Variants in MARF1 observed in about 807,000 individuals in gnomAD.
MARF1 encodes the protein meiosis regulator and mRNA stability factor 1.
A neutral mutation model predicts 168.2 loss-of-function variants in MARF1; 24 were observed. That is an observed-to-expected ratio of 0.14 (90% CI 0.10 to 0.20). The LOEUF (loss-of-function observed/expected upper bound fraction) is 0.20. Ranked by LOEUF, MARF1 falls within the 10% of genes least tolerant of loss-of-function variation. MARF1 has a pLI of 1.00. For synonymous variants in MARF1, 868 were observed against 822.4 expected (o/e 1.06, Z -0.95); for missense variants, 1,744 against 2,143.6 (o/e 0.81, Z 3.68).
intron 22 of MARF1, chr16:15,602,740 G>T (rs143870278): frequency 2.3e-6 from 1 of 427,916 alleles, no homozygotes; most frequent in African/African-American, 2.2e-5. Flanking sequence ...AGGCTGCAGC[G>T]GTCTGAAGAG....
Position 15,599,030 on chromosome 16 carries a change from CA to C in MARF1, c.4814-7del, listed in dbSNP as rs756317558. 14 of 1,604,636 alleles carry C rather than the reference CA, an allele frequency of 8.7e-6. No individual in the cohort carries two copies. The highest frequency in any genetic ancestry group is 1.1e-5 in the Non-Finnish European group (13 of 1,176,792). On this transcript the variant is annotated splice_region_variant and splice_polypyrimidine_tract_variant and intron_variant, in intron 25 of 26. Transcript: ENST00000396368. Reference sequence around the variant, plus strand: ...CTGCTCTGTGTGACTGGGCCCTGGGCAAACAAGGAGGGCCGTGACACCACAG... The same window carrying C: ...CTGCTCTGTGTGACTGGGCCCTGGGCAACAAGGAGGGCCGTGACACCACAG...
intron 3 of MARF1, 27 bp downstream of exon 3, chr16:15,635,629 C>T: frequency 6.3e-7 from 1 of 1,594,584 alleles, no homozygotes; most frequent in Non-Finnish European, 8.6e-7. Flanking sequence ...CAGCTGCACC[C>T]AACTTAAGAA....
At chr16:15,639,493 C>A (rs1349237002) in intron 1 of MARF1, among the ~76,000 whole-genome samples, 1 of 152,146 alleles carries the variant, frequency 6.6e-6, no homozygotes, top group African/African-American at 2.4e-5. Context: ...CTCCGTCTCC[C>A]GGGTTCAAGC....
At chr16:15,609,816 T>A (rs2033359896) in intron 19 of MARF1, 91 bp from the exon 20 acceptor site, 1 of 1,030,954 alleles carries the variant, frequency 9.7e-7, no homozygotes, top group South Asian at 1.5e-5. Flanking sequence ...TTTGGGAATT[T>A]ATAAACGATA....
intron 6 of MARF1, among the ~76,000 whole-genome samples, chr16:15,630,968 T>C (rs577876097): frequency 6.6e-6 from 1 of 152,008 alleles, no homozygotes; most frequent in South Asian, 2.1e-4. Context: ...CCATCTCTAC[T>C]AAAAATACAA....
rs550112241 is a variant in MARF1, at chr16:15,598,655, G to A, written c.4984+199C>T. ...AGCTGCCAAATCGCCCTTGCCTGAT[G>A]CTCGCCAGGCAACCTCAGGCTGTGC... On this transcript the variant is annotated intron_variant, in intron 26 of 26. Transcript: ENST00000396368. 2.0e-5 allele frequency among the ~76,000 whole-genome samples: 3 copies of A among 150,334 alleles called. No individual in the cohort carries two copies. The East Asian group carries it at 6.0e-4, about 30-fold the overall frequency.
intron 2 of MARF1, among the ~76,000 whole-genome samples, chr16:15,637,843 A>G (rs1328939072): frequency 6.6e-6 from 1 of 152,238 alleles, no homozygotes; most frequent in Admixed American, 6.5e-5. Flanking sequence ...AAACCTAGAG[A>G]AAATAGAGAA....
Position 15,620,175 on chromosome 16 carries a change from A to T in MARF1, c.2720+276T>A, listed in dbSNP as rs1027468187. On this transcript the variant is annotated intron_variant, in intron 13 of 26. Coordinates refer to ENST00000396368, the MANE Select transcript of MARF1 (RefSeq NM_014647.4). ...GCGAGACTCTGTCTCCAAAAAAATT[A>T]AAAAACAAACAAACAAACAAAAAAA... Among the ~76,000 whole-genome samples, 8 of 152,312 alleles carry T rather than the reference A, an allele frequency of 5.3e-5. No homozygotes were observed. The East Asian group carries it at 9.6e-4, about 18-fold the overall frequency.
intron 5 of MARF1, among the ~76,000 whole-genome samples, chr16:15,633,344 T>G (rs549863750): frequency 3.3e-5 from 5 of 152,104 alleles, no homozygotes; most frequent in African/African-American, 1.2e-4. Flanking sequence ...GGTTCTTAGT[T>G]TCTGTTTCTG....
At chr16:15,635,196 G>C (rs2035502496) in intron 3 of MARF1, 2 of 456,946 alleles carry the variant, frequency 4.4e-6, no homozygotes, top group Non-Finnish European at 7.7e-6. Flanking sequence ...CTGCAACGAA[G>C]ACCTCACACA....
At chr16:15,621,238 G>A (rs947525372) in intron 12 of MARF1, among the ~76,000 whole-genome samples, 1 of 152,208 alleles carries the variant, frequency 6.6e-6, no homozygotes, top group African/African-American at 2.4e-5. Flanking sequence ...GAGACCCAAA[G>A]AAGTATCACA....
At position 15,608,855 on chromosome 16, in the gene MARF1, G is replaced by A. The variant is rs1436565067; in HGVS notation, c.3955-337C>T. Reference sequence around the variant, plus strand: ...AAATTTGGTTTAACTTAGCAACAGCGAACAGCTTAGCACTGATGTTACCTC... The same window carrying A: ...AAATTTGGTTTAACTTAGCAACAGCAAACAGCTTAGCACTGATGTTACCTC... On this transcript the variant is annotated intron_variant, in intron 20 of 26. Transcript: ENST00000396368. 7 of 327,704 alleles carry A rather than the reference G, an allele frequency of 2.1e-5. No individual in the cohort carries two copies. In the East Asian group the frequency reaches 3.7e-4, roughly 17 times the overall value. The allele number at this position is 327,704 out of a possible 1,614,324, so 20.3% of individuals were successfully genotyped here.
In MARF1 at chr16:15,621,902, C is replaced by T; in HGVS notation, c.2470G>A (p.Val824Ile). 1 of 1,613,188 alleles carries T rather than the reference C, an allele frequency of 6.2e-7. No homozygotes were observed. Among genetic ancestry groups the T allele is most frequent in the Non-Finnish European group, 8.5e-7 (1 of 1,179,762 alleles). ...AFARHGKVKS[V>I]ELSPHTDYQL... The stretch of plus-strand genomic sequence containing the variant: ...TAATCTGTATGGGGGCTGAGCTCAA[C>T]ACTCTTCACCTACAACAGGAAAAGC... Residue 824 changes from valine to isoleucine, a missense_variant, in exon 12 of 27, where the codon GTT (valine) becomes ATT (isoleucine). Coordinates refer to ENST00000396368, the MANE Select transcript of MARF1 (RefSeq NM_014647.4).
At chr16:15,611,388 G>T (rs1241136539) in intron 18 of MARF1, among the ~76,000 whole-genome samples, 2 of 150,876 alleles carry the variant, frequency 1.3e-5, no homozygotes, top group Admixed American at 1.3e-4. Flanking sequence ...AAACCCGGGA[G>T]GCGGAGCTTG....
At position 15,620,547 on chromosome 16, in the gene MARF1, T is replaced by C. The variant is rs201059938; in HGVS notation, c.2640-16A>G. On this transcript the variant is annotated splice_polypyrimidine_tract_variant and intron_variant, in intron 12 of 26. Transcript: ENST00000396368. Reference sequence around the variant, plus strand: ...TGTTTCTGCACTGTAAAACAGAAGTTTGATTAGGGAACAGACCATTTCCTC... The same window carrying C: ...TGTTTCTGCACTGTAAAACAGAAGTCTGATTAGGGAACAGACCATTTCCTC... 6 of 1,575,638 alleles carry C rather than the reference T, an allele frequency of 3.8e-6. No homozygotes were observed. In the Admixed American group the frequency reaches 6.8e-5, roughly 18 times the overall value.
At position 15,596,678 on chromosome 16, in the gene MARF1, T is replaced by A; in HGVS notation, c.*15A>T. ...ACAGTGTTTTCCCATCCTAATTCTA[T>A]ATTCCAAATGGGAGTTAAAGCTTGG... is the stretch of plus-strand genomic sequence containing the variant. On this transcript the variant is annotated 3_prime_UTR_variant, in exon 27 of 27. Coordinates refer to ENST00000396368, the MANE Select transcript of MARF1 (RefSeq NM_014647.4). 6.4e-7 allele frequency: 1 copy of A among 1,562,572 alleles called. No individual in the cohort carries two copies. The highest frequency in any genetic ancestry group is 8.7e-7 in the Non-Finnish European group (1 of 1,149,514).
In MARF1 at chr16:15,621,769, G is replaced by A; in HGVS notation, c.2603C>T (p.Ala868Val). 6.2e-7 allele frequency: 1 copy of A among 1,614,158 alleles called. No individual in the cohort carries two copies. Among genetic ancestry groups the A allele is most frequent in the Non-Finnish European group, 8.5e-7 (1 of 1,180,024 alleles). ...IGSKKILVSL[A>V]TGAASKSLSL... ...GAGTGATTTGCTGGCAGCCCCGGTGGCAAGTGAGACCAGGATCTTTTTGCT... is the reference window on the plus strand; with the variant it reads ...GAGTGATTTGCTGGCAGCCCCGGTGACAAGTGAGACCAGGATCTTTTTGCT... The change falls in exon 12 of 27, where the codon GCC (alanine) becomes GTC (valine). Residue 868 changes from alanine to valine, a missense_variant. Physicochemically the swap from Ala to Val is moderately conservative, Grantham distance 64. Transcript: ENST00000396368.
chr16:15,617,517 A>G lies in MARF1; in HGVS notation c.2739T>C (p.Asn913=). The G allele has an allele frequency of 6.2e-7, 1 of 1,610,742 alleles. No homozygotes were observed. Among genetic ancestry groups the G allele is most frequent in the Non-Finnish European group, 8.5e-7 (1 of 1,178,320 alleles). ...CTGTTAATTTATATAGATCTGACAC[A>G]TTCAACTTGTGTCCAAACCTAAAAG... ...IYEKKFGHKL[N]VSDLYKLTDT... The change falls in exon 14 of 27, where the codon AAT becomes AAC. Residue 913 remains asparagine, a synonymous_variant. Coordinates refer to ENST00000396368, the MANE Select transcript of MARF1 (RefSeq NM_014647.4).
At chr16:15,629,150 TA>T (rs1567577888) in intron 7 of MARF1, among the ~76,000 whole-genome samples, 1 of 151,524 alleles carries the variant, frequency 6.6e-6, no homozygotes, top group Non-Finnish European at 1.5e-5. Context: ...CGTATTTACA[TA>T]AGGCCTTCAA....
Sources: allele counts gnomAD v4.1 joint callset (sites outside exome capture counted in the v4.1 genomes callset), GRCh38; gene constraint gnomAD v4.1.1; transcripts MANE v1.5; gene names NCBI Gene and HGNC (gene_info 2026-07-23, HGNC 2026-07-21).